ANK2: variants seen among roughly 807,000 people sequenced by gnomAD.
The protein encoded by ANK2 is ankyrin-2.
Under a neutral mutation model 360.5 loss-of-function variants are expected in ANK2, and 83 were observed. That is an observed-to-expected ratio of 0.23 (90% confidence interval 0.19 to 0.28). ANK2 has a LOEUF of 0.28. ANK2 is among the 10% of genes least tolerant of loss of function. The pLI is 1.00. For missense variants in ANK2, 4,201 were observed against 4,795.7 expected, an observed-to-expected ratio of 0.88 and a Z score of 3.66; for synonymous variants, 1,740 against 1,759.5, an observed-to-expected ratio of 0.99 and a Z score of 0.28.
At chr4:113,292,270 GA>G (rs911866915) in intron 20 of ANK2, 145 bp from the exon 21 acceptor site, 1 of 767,218 alleles carries the variant, frequency 1.3e-6, no homozygotes, top group African/African-American at 1.7e-5. Context: ...TTGCTGCTGA[GA>G]AATGGGTTGC....
At chr4:113,327,872 C>T (rs150561340) in intron 26 of ANK2, among the ~76,000 whole-genome samples, 10 of 152,174 alleles carry the variant, frequency 6.6e-5, no homozygotes, top group South Asian at 2.1e-4. Flanking sequence ...AGCATAGAAA[C>T]GGAACTATAG....
chr4:112,739,298 G>A, the ANK2 span, among the ~76,000 whole-genome samples: 2 of 152,070 alleles, frequency 1.3e-5, no homozygotes, highest in African/African-American at 2.4e-5. Context: ...CACTGCGCCC[G>A]GCTGGAATGA....
chr4:113,127,895 C>T (rs2095763819), intron 1 of ANK2, among the ~76,000 whole-genome samples: 1 of 151,876 alleles, frequency 6.6e-6, no homozygotes, highest in East Asian at 1.9e-4. Context: ...GGGAGGAAAA[C>T]AGGATGGTTA....
chr4:112,904,461 A>G, exon 2 of ANK2: 2 of 1,471,504 alleles, frequency 1.4e-6, no homozygotes, highest in Non-Finnish European at 1.8e-6. Flanking sequence ...TTAGGTAAGT[A>G]ATGAAAAGAG....
At chr4:113,374,823 G>A (rs550252045) in intron 45 of ANK2, 3 of 1,256,944 alleles carry the variant, frequency 2.4e-6, no homozygotes, top group South Asian at 2.7e-5. Context: ...CTGAGCCAGT[G>A]GAAGGCCGTA....
chr4:113,078,935 G>A (rs1053375297), intron 1 of ANK2, among the ~76,000 whole-genome samples: 5 of 152,132 alleles, frequency 3.3e-5, no homozygotes, highest in African/African-American at 1.2e-4. Flanking sequence ...CCCAAAGAGA[G>A]AATCTTGGAA....
intron 4 of ANK2, among the ~76,000 whole-genome samples, chr4:113,218,496 T>G (rs982092171): frequency 6.6e-6 from 1 of 151,714 alleles, no homozygotes; most frequent in African/African-American, 2.4e-5. Context: ...AAGCAATAAC[T>G]TCATTTGATT....
chr4:112,963,592 T>C (rs765409510), intron 2 of ANK2, among the ~76,000 whole-genome samples: 1 of 152,156 alleles, frequency 6.6e-6, no homozygotes, highest in Non-Finnish European at 1.5e-5. Flanking sequence ...GAATTTTTTT[T>C]CCAAGTGAAT....
chr4:112,829,825 G>T (rs930686039), intron 1 of ANK2, among the ~76,000 whole-genome samples: 7 of 152,070 alleles, frequency 4.6e-5, no homozygotes, highest in Non-Finnish European at 8.8e-5. Context: ...TGGGCGTGGT[G>T]GTGGGTACCT....
At chr4:113,144,543 A>C (rs1016058264) in intron 1 of ANK2, among the ~76,000 whole-genome samples, 3 of 151,924 alleles carry the variant, frequency 2.0e-5, no homozygotes, top group Non-Finnish European at 4.4e-5. Flanking sequence ...GTTTTCCCCA[A>C]ATAATTGCTT....
chr4:113,373,581 A>G, intron 45 of ANK2, 132 bp downstream of exon 45: 1 of 964,522 alleles, frequency 1.0e-6, no homozygotes. Context: ...TCTTAGTTGC[A>G]CATTCACCTT....
chr4:113,262,690 T>C (rs1339887419), intron 13 of ANK2, among the ~76,000 whole-genome samples: 6 of 152,032 alleles, frequency 3.9e-5, no homozygotes, highest in Non-Finnish European at 7.4e-5. Flanking sequence ...AAAAGTACAG[T>C]ATAACAACTA....
the ANK2 span, among the ~76,000 whole-genome samples, chr4:112,779,757 C>T: frequency 4.6e-5 from 7 of 152,264 alleles, no homozygotes; most frequent in Non-Finnish European, 1.0e-4. Flanking sequence ...TGTCTTCTTG[C>T]CTTCACCTGA....
rs1480520421 is a variant in ANK2, at chr4:113,288,599, A to G, written c.2277+113A>G. 4.4e-6 allele frequency: 4 copies of G among 903,046 alleles called. No individual in the cohort carries two copies. The African/African-American group carries it at 5.0e-5, about 11-fold the overall frequency. 55.9% of individuals were successfully genotyped at this position (903,046 alleles called of 1,614,324 possible). On this transcript the variant is annotated intron_variant, in intron 20 of 45. Coordinates refer to ENST00000357077, the MANE Select transcript of ANK2 (RefSeq NM_001148.6). ...TATTTTTTTCTTCCTTTTTAGTTCTAAAGTGATTTTGACGAGGTGATGTAG... is the reference window on the plus strand; with the variant it reads ...TATTTTTTTCTTCCTTTTTAGTTCTGAAGTGATTTTGACGAGGTGATGTAG...
the ANK2 span, among the ~76,000 whole-genome samples, chr4:112,762,262 CATAA>C: frequency 5.3e-5 from 8 of 152,200 alleles, 1 homozygote; most frequent in South Asian, 1.2e-3. Context: ...ATCATTGGAA[CATAA>C]ATAAATTCAA....
chr4:112,748,229 C>A, the ANK2 span, among the ~76,000 whole-genome samples: 2 of 152,152 alleles, frequency 1.3e-5, no homozygotes, highest in South Asian at 2.1e-4. Context: ...CCTATACAGA[C>A]AAACATGCTT....
chr4:112,767,219 G>A, the ANK2 span, among the ~76,000 whole-genome samples: 3 of 152,008 alleles, frequency 2.0e-5, no homozygotes, highest in African/African-American at 7.3e-5. Context: ...ATTCAAGATA[G>A]TATGTATCAA....
intron 19 of ANK2, 106 bp from the exon 20 acceptor site, chr4:113,288,282 C>T (rs1364060256): frequency 2.1e-6 from 2 of 945,106 alleles, no homozygotes; most frequent in East Asian, 2.6e-5. Flanking sequence ...AAATGGAATC[C>T]TATAATAACT....
intron 1 of ANK2, among the ~76,000 whole-genome samples, chr4:112,882,712 T>TA (rs200163315): frequency 0.012 from 1,884 of 152,040 alleles, 33 homozygotes; most frequent in African/African-American, 0.041. Flanking sequence ...TTTTTTTTTT[T>TA]TAAAATGAAG....
Sources: gnomAD v4.1 joint callset for allele counts (sites outside exome capture counted in the v4.1 genomes callset) on GRCh38, gnomAD v4.1.1 for gene constraint, MANE v1.5 for transcripts, NCBI Gene and HGNC (gene_info 2026-07-23, HGNC 2026-07-21) for gene names.